The following DNMT1 variants were observed in gnomAD, a reference collection of about 807,000 sequenced individuals.
DNMT1 encodes DNA methyltransferase 1.
A neutral mutation model predicts 205.3 loss-of-function variants in DNMT1; 24 were observed. The observed-to-expected ratio is 0.12, with a 90% confidence interval of 0.08 to 0.16. The LOEUF is 0.16. Ranked by LOEUF, DNMT1 falls within the 10% of genes least tolerant of loss-of-function variation. DNMT1 has a pLI of 1.00. For synonymous variants in DNMT1, 817 were observed against 839.8 expected, an observed-to-expected ratio of 0.97 and a Z score of 0.47; for missense variants, 1,293 against 2,177.7, an observed-to-expected ratio of 0.59 and a Z score of 8.09.
intron 28 of DNMT1, chr19:10,144,253 C>G: frequency 2.4e-6 from 1 of 425,352 alleles, no homozygotes; most frequent in South Asian, 2.1e-5. Context: ...ACTAAAAATA[C>G]AAAAATTAGC....
chr19:10,186,303 G>A (rs1262063287), intron 1 of DNMT1, among the ~76,000 whole-genome samples: 1 of 152,174 alleles, frequency 6.6e-6, no homozygotes, highest in African/African-American at 2.4e-5. Flanking sequence ...GCCCCAGAGT[G>A]GCAGGTGGGA....
rs149105892 is a variant in DNMT1 at position 10,156,251 on chromosome 19, T to C, written c.1399+140A>G. On this transcript the variant is annotated intron_variant, in intron 18 of 40. Coordinates refer to ENST00000359526, the MANE Select transcript of DNMT1 (RefSeq NM_001130823.3). This position sits in a 1 kb window ranked among gnomAD's most constrained non-coding sequence, Gnocchi z 4.2. ...TAATAGAGGCAGGCTCTTGCTATGT[T>C]GTCCAGGCTCGTCTCAAACTCCCGG... 854 of 705,120 alleles carry C rather than the reference T, an allele frequency of 1.2e-3. No individual in the cohort carries two copies. The highest frequency in any genetic ancestry group is 1.8e-3 in the Non-Finnish European group (685 of 390,164). 43.7% of individuals were successfully genotyped at this position (705,120 alleles called of 1,614,324 possible).
intron 39 of DNMT1, among the ~76,000 whole-genome samples, chr19:10,135,009 C>T (rs535354162): frequency 1.3e-5 from 2 of 151,910 alleles, no homozygotes; most frequent in African/African-American, 4.8e-5. Context: ...GTCAAGAGTT[C>T]GGGACCAGCC....
intron 19 of DNMT1, among the ~76,000 whole-genome samples, chr19:10,155,269 C>T (rs781335387): frequency 8.5e-5 from 13 of 152,104 alleles, no homozygotes; most frequent in Non-Finnish European, 1.8e-4. Context: ...GCTGAGTAGG[C>T]CTTCATTGAG....
Position 10,138,550 on chromosome 19 carries a change from G to T in DNMT1, c.4004C>A (p.Ala1335Asp). ...GAACAGAGGGAGCTTCTCTCCAGGG[G>T]CCGCGGCCAGGATGATGGCCCGCCT... The part of the protein sequence containing the change: ...TRRRAIILAA[A>D]PGEKLPLFPE... The change falls in exon 35 of 41, where the codon GCC (alanine) becomes GAC (aspartate). Residue 1335 changes from alanine (A) to aspartate (D), a missense_variant. By Grantham distance (126) the Ala-to-Asp change is moderately radical. Coordinates refer to ENST00000359526, the MANE Select transcript of DNMT1 (RefSeq NM_001130823.3). The surrounding 1 kb of genome is among the most constrained non-coding windows in gnomAD (Gnocchi z 4.1). The T allele has an allele frequency of 1.9e-6, 3 of 1,611,128 alleles. No homozygotes were observed. The highest frequency in any genetic ancestry group is 1.7e-6 in the Non-Finnish European group (2 of 1,180,020).
At chr19:10,164,937 A>C (rs2038654215) in intron 11 of DNMT1, among the ~76,000 whole-genome samples, 6 of 129,738 alleles carry the variant, frequency 4.6e-5, no homozygotes, top group Admixed American at 7.9e-5. Flanking sequence ...AAAAAAAAAA[A>C]AAAAAAAAAA....
intron 1 of DNMT1, among the ~76,000 whole-genome samples, chr19:10,189,462 C>G (rs1169944722): frequency 4.6e-5 from 7 of 150,680 alleles, no homozygotes; most frequent in African/African-American, 1.7e-4. Flanking sequence ...CTCCTTCACC[C>G]AGGCTGGAGT....
chr19:10,145,424 A>G lies in DNMT1; in HGVS notation c.2894+927T>C, dbSNP rs77595181. Among the ~76,000 whole-genome samples the G allele has an allele frequency of 5.8e-3, 887 of 152,302 alleles. 19 individuals carry two copies. Among genetic ancestry groups the G allele is most frequent in the East Asian group, 0.034 (177 of 5,192 alleles). On this transcript the variant is annotated intron_variant, in intron 28 of 40. Transcript: ENST00000359526. The stretch of plus-strand genomic sequence containing the variant: ...CACAGTAACTGAACTAAGGCAAGGG[A>G]GCTGGGGCTCTAAGGAAATGGAATT...
Position 10,134,326 on chromosome 19 carries a change from G to A in DNMT1, c.4774-19C>T. The A allele has an allele frequency of 3.1e-6, 5 of 1,612,640 alleles. No homozygotes were observed. In the Admixed American group the frequency reaches 5.0e-5, roughly 16 times the overall value. The stretch of plus-strand genomic sequence containing the variant: ...TGCCCACCTGCAGGAGGGGAGAAGG[G>A]CAATGCCTGATGTGGACACCCAGGC... On this transcript the variant is annotated intron_variant, in intron 39 of 40. Coordinates refer to ENST00000359526, the MANE Select transcript of DNMT1 (RefSeq NM_001130823.3).
chr19:10,173,493 CTT>C (rs747516765), intron 8 of DNMT1, among the ~76,000 whole-genome samples: 2,257 of 141,412 alleles, frequency 0.016, 60 homozygotes, highest in African/African-American at 0.055. Context: ...TCTTTTTAAA[CTT>C]TTTTTTTTTT....
intron 29 of DNMT1, among the ~76,000 whole-genome samples, chr19:10,143,384 CTT>C (rs542026334): frequency 1.2e-4 from 14 of 119,494 alleles, no homozygotes; most frequent in African/African-American, 2.9e-4. Context: ...CCCAGCTAGT[CTT>C]TTTTTTTTTT....
chr19:10,185,850 A>G (rs1273295261), intron 1 of DNMT1, among the ~76,000 whole-genome samples: 2 of 150,462 alleles, frequency 1.3e-5, no homozygotes, highest in Non-Finnish European at 2.9e-5. Flanking sequence ...AAAGAAAAAA[A>G]AAAAAAAAAA....
At chr19:10,187,310 A>T (rs1276402777) in intron 1 of DNMT1, among the ~76,000 whole-genome samples, 1 of 152,056 alleles carries the variant, frequency 6.6e-6, no homozygotes, top group African/African-American at 2.4e-5. Flanking sequence ...CGTCTGAAAT[A>T]CAGCAGACCA....
chr19:10,147,879 C>T (rs1012192700), intron 27 of DNMT1, among the ~76,000 whole-genome samples: 24 of 151,792 alleles, frequency 1.6e-4, no homozygotes, highest in Non-Finnish European at 3.1e-4. Context: ...TTTGGGAAGC[C>T]GAAGCGGGTA....
chr19:10,149,682 GAGA>G (rs781767381), intron 25 of DNMT1, 25 bp from the exon 26 acceptor site: 333 of 1,613,050 alleles, frequency 2.1e-4, no homozygotes, highest in Non-Finnish European at 2.5e-4. Flanking sequence ...CGGGCATGGG[GAGA>G]AAGTTCTGAC....
rs746146725 is a variant in DNMT1, at chr19:10,154,492, T to C, written c.1833-13A>G. ...CGCCTGGGCTCGCCTACGGGAGAGG[T>C]TCCAGCATCTCAGAGGACTGGGACA... is the stretch of plus-strand genomic sequence containing the variant. On this transcript the variant is annotated splice_polypyrimidine_tract_variant and intron_variant, in intron 21 of 40. Transcript: ENST00000359526. This position sits in a 1 kb window ranked among gnomAD's most constrained non-coding sequence, Gnocchi z 6.3. The C allele has an allele frequency of 1.2e-6, 2 of 1,613,752 alleles. No homozygotes were observed. Among genetic ancestry groups the C allele is most frequent in the Non-Finnish European group, 1.7e-6 (2 of 1,179,920 alleles).
At chr19:10,165,069 C>T (rs1348671387) in intron 11 of DNMT1, among the ~76,000 whole-genome samples, 1 of 151,592 alleles carries the variant, frequency 6.6e-6, no homozygotes, top group Non-Finnish European at 1.5e-5. Flanking sequence ...TGACTGAGAC[C>T]AGCCTGGGCA....
In DNMT1 at chr19:10,136,093, G is replaced by C. The variant is rs756196515; in HGVS notation, c.4656+28C>G. The stretch of plus-strand genomic sequence containing the variant: ...GCCGCCAAGTACAGGGCCTGACCCA[G>C]GCCCTCGGATGCCCCCTCCCCACCT... On this transcript the variant is annotated intron_variant, in intron 38 of 40. Coordinates refer to ENST00000359526, the MANE Select transcript of DNMT1 (RefSeq NM_001130823.3). 4 of 1,613,534 alleles carry C rather than the reference G, an allele frequency of 2.5e-6. No homozygotes were observed. The East Asian group carries it at 8.9e-5, about 36-fold the overall frequency.
chr19:10,144,455 T>C (rs1172287079), intron 28 of DNMT1: 1 of 254,344 alleles, frequency 3.9e-6, no homozygotes, highest in Non-Finnish European at 7.7e-6. Flanking sequence ...TCTCACAGTT[T>C]GAAGCACGCA....
Sources: gnomAD v4.1 joint callset for allele counts (sites outside exome capture counted in the v4.1 genomes callset) on GRCh38, gnomAD v4.1.1 for gene constraint, Gnocchi (gnomAD v3.1) non-coding constraint, MANE v1.5 for transcripts, NCBI Gene and HGNC (gene_info 2026-07-23, HGNC 2026-07-21) for gene names.